PTK2: variants seen among roughly 807,000 people sequenced by gnomAD.
PTK2 encodes the protein protein tyrosine kinase 2.
A neutral mutation model predicts 150.1 loss-of-function variants in PTK2; 45 were observed. The ratio of observed to expected loss-of-function variants is 0.30; its 90% CI spans 0.24 to 0.38. The LOEUF is 0.38. PTK2 is among the 10% of genes least tolerant of loss of function. The probability of loss-of-function intolerance (pLI) is 1.00; values close to 1 mark genes in which losing one functional copy is unlikely to be tolerated. For missense variants in PTK2, 919 were observed against 1,307.3 expected (o/e 0.70, Z 4.58); for synonymous variants, 432 against 449.2 (o/e 0.96, Z 0.48).
At chr8:140,669,301 G>GTGCATATATA (rs1554641612) in intron 29 of PTK2, 6 of 97,992 alleles carry the variant, frequency 6.1e-5, no homozygotes, top group African/African-American at 2.8e-4. Context: ...GCATAAAATG[G>GTGCATATATA]TATATATATA....
At chr8:140,730,585 G>A (rs1265301508) in intron 22 of PTK2, among the ~76,000 whole-genome samples, 1 of 152,134 alleles carries the variant, frequency 6.6e-6, no homozygotes, top group Admixed American at 6.5e-5. Flanking sequence ...GTGACAGACT[G>A]TATCCAACTG....
chr8:140,846,320 C>T lies in PTK2; in HGVS notation c.533G>A (p.Arg178Gln). 2 of 1,611,874 alleles carry T rather than the reference C, an allele frequency of 1.2e-6. No homozygotes were observed. Among genetic ancestry groups the T allele is most frequent in the Non-Finnish European group, 1.7e-6 (2 of 1,178,514 alleles). The change falls in exon 7 of 32, where the codon CGA (arginine) becomes CAA (glutamine). Residue 178 changes from arginine (R) to glutamine (Q), a missense_variant and splice_region_variant. By Grantham distance (43) the Arg-to-Gln change is conservative. Transcript: ENST00000522684. ...ATTGCCCCGCATCTCCCAGTATGATCGCCTAAAATCAGGGAAGACATACAT... is the reference window on the plus strand; with the variant it reads ...ATTGCCCCGCATCTCCCAGTATGATTGCCTAAAATCAGGGAAGACATACAT...
At chr8:140,841,432 T>C (rs191370058) in intron 7 of PTK2, among the ~76,000 whole-genome samples, 2 of 152,266 alleles carry the variant, frequency 1.3e-5, no homozygotes, top group Admixed American at 1.3e-4. Flanking sequence ...CAAAAGTTAA[T>C]TTAAAAAGAA....
intron 1 of PTK2, among the ~76,000 whole-genome samples, chr8:140,984,436 G>A (rs769344428): frequency 6.6e-6 from 1 of 152,054 alleles, no homozygotes; most frequent in Non-Finnish European, 1.5e-5. Flanking sequence ...GGCATCACCT[G>A]GGAACTTAGG....
chr8:140,796,142 A>C (rs1192466224), intron 12 of PTK2, among the ~76,000 whole-genome samples: 1 of 152,190 alleles, frequency 6.6e-6, no homozygotes, highest in Non-Finnish European at 1.5e-5. Context: ...CTGTTTGGTA[A>C]AGAAAGAAAT....
intron 8 of PTK2, among the ~76,000 whole-genome samples, chr8:140,826,033 A>G (rs1483478591): frequency 1.3e-5 from 2 of 152,264 alleles, no homozygotes; most frequent in Non-Finnish European, 1.5e-5. Context: ...TAATAAAACA[A>G]TCTTTCAACA....
intron 1 of PTK2, among the ~76,000 whole-genome samples, chr8:140,963,862 G>C (rs1569508290): frequency 6.6e-6 from 1 of 152,260 alleles, no homozygotes; most frequent in East Asian, 1.9e-4. Flanking sequence ...GAGAACTTGA[G>C]GGGGGTTAGG....
intron 14 of PTK2, among the ~76,000 whole-genome samples, chr8:140,783,775 A>G (rs2100083207): frequency 2.0e-5 from 3 of 152,246 alleles, no homozygotes; most frequent in Non-Finnish European, 4.4e-5. Flanking sequence ...GTAATCTTGA[A>G]TAAAGGAAAT....
chr8:140,761,338 G>C (rs2100069331), intron 15 of PTK2, 76 bp from the exon 19 acceptor site: 3 of 1,173,956 alleles, frequency 2.6e-6, no homozygotes, highest in African/African-American at 1.5e-5. Context: ...CGTATTTCTT[G>C]ATCATCCATA....
intron 22 of PTK2, among the ~76,000 whole-genome samples, chr8:140,727,192 C>G (rs2100046366): frequency 6.6e-6 from 1 of 152,030 alleles, no homozygotes; most frequent in Non-Finnish European, 1.5e-5. Flanking sequence ...GCAAATTGTG[C>G]AAAGACAGAA....
intron 12 of PTK2, among the ~76,000 whole-genome samples, chr8:140,799,968 T>C (rs1037628447): frequency 2.6e-5 from 4 of 152,212 alleles, no homozygotes; most frequent in Non-Finnish European, 4.4e-5. Flanking sequence ...ACCGCTTTTA[T>C]AGTGACGTTT....
At chr8:140,958,262 T>C (rs1328284073) in intron 1 of PTK2, among the ~76,000 whole-genome samples, 1 of 152,114 alleles carries the variant, frequency 6.6e-6, no homozygotes, top group Non-Finnish European at 1.5e-5. Flanking sequence ...CTCAGCCTCC[T>C]GAGTAGCTGG....
chr8:140,737,333 A>T (rs1318368204), intron 21 of PTK2, among the ~76,000 whole-genome samples: 1 of 152,032 alleles, frequency 6.6e-6, no homozygotes, highest in African/African-American at 2.4e-5. Flanking sequence ...GAACTCCTGG[A>T]TTGAAGTGAT....
intron 7 of PTK2, among the ~76,000 whole-genome samples, chr8:140,838,454 G>A (rs2100120154): frequency 1.3e-5 from 2 of 152,140 alleles, no homozygotes; most frequent in African/African-American, 4.8e-5. Context: ...ACTGGCATCA[G>A]CCTTTACAAT....
exon 32 of PTK2, chr8:140,659,341 G>T: frequency 1.4e-6 from 1 of 699,292 alleles, no homozygotes; most frequent in Non-Finnish European, 2.3e-6. Context: ...CAACCAGATG[G>T]TCATTCAAAA....
chr8:140,747,479 GGGAAGAGGAGGGGGAAGAGGAGGA>G (rs1327317131), intron 17 of PTK2, among the ~76,000 whole-genome samples: 64 of 18,038 alleles, frequency 3.5e-3, no homozygotes, highest in African/African-American at 0.022. Flanking sequence ...GAAGAGGAGG[GGGAAGAGGAGGGGGAAGAGGAGGA>G]GGAAGAGGAG....
At chr8:140,932,092 T>G (rs1344644242) in intron 1 of PTK2, among the ~76,000 whole-genome samples, 2 of 152,176 alleles carry the variant, frequency 1.3e-5, no homozygotes, top group African/African-American at 4.8e-5. Flanking sequence ...TTTCCCCCAC[T>G]GACCCCATTC....
At chr8:140,980,690 G>C (rs544172852) in intron 1 of PTK2, among the ~76,000 whole-genome samples, 10 of 151,082 alleles carry the variant, frequency 6.6e-5, no homozygotes, top group African/African-American at 9.7e-5. Context: ...ACAGGTACTT[G>C]TCCTTCAAGT....
intron 14 of PTK2, among the ~76,000 whole-genome samples, chr8:140,771,905 G>A (rs190918897): frequency 1.1e-3 from 159 of 150,652 alleles, no homozygotes; most frequent in African/African-American, 3.7e-3. Context: ...TCAGCCTCCC[G>A]CGTAGCTGGG....
Sources: gnomAD v4.1 joint callset for allele counts (sites outside exome capture counted in the v4.1 genomes callset) on GRCh38, gnomAD v4.1.1 for gene constraint, MANE v1.5 for transcripts, NCBI Gene and HGNC (gene_info 2026-07-23, HGNC 2026-07-21) for gene names.